The following MYO10 variants were observed in gnomAD, a reference collection of about 807,000 sequenced individuals.
MYO10 encodes unconventional myosin-X.
In MYO10, 133 loss-of-function variants were observed where a neutral mutation model predicts 257.3. The observed-to-expected ratio is 0.52, with a 90% CI of 0.45 to 0.60. MYO10 has a LOEUF of 0.60. MYO10 is among the 20% of genes least tolerant of loss of function. The probability of loss-of-function intolerance (pLI) is 0.00; values close to 1 mark genes in which losing one functional copy is unlikely to be tolerated. For synonymous variants in MYO10, 1,104 were observed against 1,028.6 expected (o/e 1.07, Z -1.40); for missense variants, 2,399 against 2,635.7 (o/e 0.91, Z 1.97).
chr5:16,681,757 C>T, intron 31 of MYO10, 114 bp downstream of exon 31: 6 of 1,311,196 alleles, frequency 4.6e-6, no homozygotes, highest in Admixed American at 2.8e-5. Context: ...ACAAAATCTC[C>T]AACAGTTAAA....
intron 27 of MYO10, among the ~76,000 whole-genome samples, chr5:16,693,161 G>T (rs144390309): frequency 1.3e-5 from 2 of 152,108 alleles, no homozygotes; most frequent in South Asian, 4.2e-4. Flanking sequence ...CCAACAACTC[G>T]GGAGGCTGAG....
chr5:16,904,436 C>G (rs972885251), intron 1 of MYO10, among the ~76,000 whole-genome samples: 1 of 152,204 alleles, frequency 6.6e-6, no homozygotes, highest in Non-Finnish European at 1.5e-5. Flanking sequence ...AGCACAGGTG[C>G]AGCAACCTGC....
At position 16,701,139 on chromosome 5, in the gene MYO10, C is replaced by T. The variant is rs778175900; in HGVS notation, c.3256G>A (p.Asp1086Asn). The T allele has an allele frequency of 6.2e-7, 1 of 1,600,576 alleles. No individual in the cohort carries two copies. The highest frequency in any genetic ancestry group is 1.1e-5 in the South Asian group (1 of 88,658). The change falls in exon 25 of 41, where the codon GAC (aspartate) becomes AAC (asparagine). Residue 1086 changes from aspartate to asparagine, a missense_variant. By Grantham distance (23) the Asp-to-Asn change is conservative. Coordinates refer to ENST00000513610, the MANE Select transcript of MYO10 (RefSeq NM_012334.3). This position sits in a 1 kb window ranked among gnomAD's most constrained non-coding sequence, Gnocchi z 8.1. Reference protein sequence around the residue: ...PQNAGDLPSPDGDYDYDQDDY... With the variant: ...PQNAGDLPSPNGDYDYDQDDY... ...TCCTGGTCGTAGTCGTAGTCGCCGT[C>T]TGGGGAGGGCAAGTCCCCAGCGTTC...
intron 34 of MYO10, 94 bp from the exon 35 acceptor site, chr5:16,675,244 G>A (rs536692877): frequency 7.6e-7 from 1 of 1,313,176 alleles, no homozygotes; most frequent in Non-Finnish European, 1.1e-6. Flanking sequence ...AGGAATAAAT[G>A]AGGAGGACGG....
intron 21 of MYO10, among the ~76,000 whole-genome samples, chr5:16,709,157 G>C (rs946002462): frequency 9.2e-5 from 14 of 152,316 alleles, no homozygotes; most frequent in Admixed American, 7.2e-4. Context: ...AACAGAGGAG[G>C]GGGCTTACCC....
intron 1 of MYO10, among the ~76,000 whole-genome samples, chr5:16,923,180 C>A (rs540272130): frequency 6.6e-6 from 1 of 152,078 alleles, no homozygotes; most frequent in Admixed American, 6.5e-5. Context: ...ATGAGAAGAA[C>A]AAAACATGGG....
chr5:16,861,399 C>A (rs924913876), intron 2 of MYO10, among the ~76,000 whole-genome samples: 2 of 151,862 alleles, frequency 1.3e-5, no homozygotes, highest in Non-Finnish European at 2.9e-5. Flanking sequence ...AATCCTGTCT[C>A]TACAAAAATA....
intron 22 of MYO10, 144 bp downstream of exon 22, chr5:16,704,435 A>AG: frequency 1.6e-6 from 1 of 624,450 alleles, no homozygotes; most frequent in Non-Finnish European, 2.8e-6. Flanking sequence ...CAGGCTAGCT[A>AG]GGTTTCGGGA....
chr5:16,839,127 GGAAT>G (rs768050386), intron 2 of MYO10, among the ~76,000 whole-genome samples: 1 of 152,124 alleles, frequency 6.6e-6, no homozygotes, highest in Non-Finnish European at 1.5e-5. Flanking sequence ...TATTATTTAA[GGAAT>G]GCATTTCATA....
intron 32 of MYO10, 25 bp downstream of exon 32, chr5:16,681,284 G>C: frequency 6.3e-7 from 1 of 1,594,244 alleles, no homozygotes; most frequent in Non-Finnish European, 8.5e-7. Context: ...TTGATGCTCA[G>C]GGTTCGGGCA....
In MYO10 at chr5:16,781,971, G is replaced by A. The variant is rs1198647658; in HGVS notation, c.603-142C>T. 5.2e-5 allele frequency: 53 copies of A among 1,014,792 alleles called. 1 individual carries two copies. Among genetic ancestry groups the A allele is most frequent in the South Asian group, 2.9e-4 (18 of 62,622 alleles). 62.9% of individuals were successfully genotyped at this position (1,014,792 alleles called of 1,614,324 possible). A position where few individuals can be genotyped will look rare whatever the true frequency, so the allele number is the denominator to read the frequency against. ...ACTGAGGGTGGCAATGTTTATTTCC[G>A]GAAGAGCCAGATTTTCAAAATGCTT... On this transcript the variant is annotated intron_variant, in intron 5 of 40. Coordinates refer to ENST00000513610, the MANE Select transcript of MYO10 (RefSeq NM_012334.3).
At chr5:16,772,424 C>T (rs371646536) in intron 9 of MYO10, among the ~76,000 whole-genome samples, 10 of 152,164 alleles carry the variant, frequency 6.6e-5, no homozygotes, top group Admixed American at 2.0e-4. Context: ...TGAGCCACGG[C>T]GCCCAGCCTA....
intron 19 of MYO10, among the ~76,000 whole-genome samples, chr5:16,749,789 T>G (rs1330055573): frequency 6.6e-6 from 1 of 152,254 alleles, no homozygotes; most frequent in Non-Finnish European, 1.5e-5. Flanking sequence ...TGCAGGCAAC[T>G]GCGGGCAACT....
Position 16,739,290 on chromosome 5 carries a change from A to C in MYO10, c.1929+15538T>G, listed in dbSNP as rs192626060. 2.1e-3 allele frequency among the ~76,000 whole-genome samples: 324 copies of C among 151,358 alleles called. 3 individuals carry two copies. Among genetic ancestry groups the C allele is most frequent in the African/African-American group, 7.2e-3 (299 of 41,432 alleles). On this transcript the variant is annotated intron_variant, in intron 19 of 40. Coordinates refer to ENST00000513610, the MANE Select transcript of MYO10 (RefSeq NM_012334.3). ...CTTCATTTATTTGATTACACTATTG[A>C]GAACTTCAAGTAATTTTATATTTCA...
intron 2 of MYO10, among the ~76,000 whole-genome samples, chr5:16,869,658 A>G (rs1044973807): frequency 1.3e-5 from 2 of 151,650 alleles, no homozygotes; most frequent in African/African-American, 4.9e-5. Context: ...TGAGGTCAGG[A>G]GTTCAAGGCC....
intron 19 of MYO10, among the ~76,000 whole-genome samples, chr5:16,752,186 A>G (rs1237314445): frequency 6.6e-6 from 1 of 152,210 alleles, no homozygotes; most frequent in Admixed American, 6.5e-5. Flanking sequence ...ACGATTGTAA[A>G]ACTGTTTCAC....
At chr5:16,796,450 AAG>A (rs1235079297) in intron 3 of MYO10, among the ~76,000 whole-genome samples, 1 of 95,312 alleles carries the variant, frequency 1.0e-5, no homozygotes, top group Non-Finnish European at 2.3e-5. Context: ...GACAGAAAGA[AAG>A]AAAGAAAGAA....
chr5:16,681,398 G>A lies in MYO10; in HGVS notation c.4295C>T (p.Ser1432Leu). The A allele has an allele frequency of 6.2e-7, 1 of 1,613,976 alleles. No homozygotes were observed. The highest frequency in any genetic ancestry group is 8.5e-7 in the Non-Finnish European group (1 of 1,179,894). The change falls in exon 32 of 41, where the codon TCA becomes TTA. Residue 1432 changes from serine to leucine, a missense_variant. Coordinates refer to ENST00000513610, the MANE Select transcript of MYO10 (RefSeq NM_012334.3). ...THNSLDYYKSSEKNALKLGTL... is the reference protein window; with the variant it reads ...THNSLDYYKSLEKNALKLGTL... ...CCCCAGTTTGAGCGCGTTCTTCTCT[G>A]AACTCTTGTAGTAATCCAGGGAATT...
chr5:16,763,380 C>T (rs982009989), intron 14 of MYO10, 101 bp downstream of exon 14: 6 of 886,596 alleles, frequency 6.8e-6, no homozygotes, highest in East Asian at 4.8e-5. Context: ...ACATTCACAT[C>T]GTTGATGTGC....
Sources: gnomAD v4.1 joint callset for allele counts (sites outside exome capture counted in the v4.1 genomes callset) on GRCh38, gnomAD v4.1.1 for gene constraint, Gnocchi (gnomAD v3.1) non-coding constraint, MANE v1.5 for transcripts, NCBI Gene and HGNC (gene_info 2026-07-23, HGNC 2026-07-21) for gene names.